The following TNNI3K variants were observed in gnomAD, a reference collection of about 807,000 sequenced individuals.
TNNI3K encodes the protein TNNI3 interacting kinase, also known as serine/threonine-protein kinase TNNI3K.
In TNNI3K, 140 loss-of-function variants were observed where a neutral mutation model predicts 114.5. That is an observed-to-expected ratio of 1.22 (90% CI 1.07 to 1.41). The LOEUF is 1.41. Ranked by LOEUF, TNNI3K falls within the 40% of genes most tolerant of loss-of-function variation. TNNI3K has a pLI of 0.00. For synonymous variants in TNNI3K, 347 were observed against 347.5 expected, an observed-to-expected ratio of 1.00 and a Z score of 0.02; for missense variants, 1,125 against 1,007.6, an observed-to-expected ratio of 1.12 and a Z score of -1.58.
chr1:74,294,770 C>T (rs1384951551), intron 5 of TNNI3K, among the ~76,000 whole-genome samples: 1 of 151,934 alleles, frequency 6.6e-6, no homozygotes, highest in Admixed American at 6.6e-5. Context: ...TGTTCCTTCT[C>T]AATATTTTTC....
intron 20 of TNNI3K, among the ~76,000 whole-genome samples, chr1:74,448,260 T>TAAAAAAAAAAA (rs71588834): frequency 7.9e-5 from 7 of 89,124 alleles, no homozygotes; most frequent in Non-Finnish European, 1.4e-4. Context: ...TAGAGTATAA[T>TAAAAAAAAAAA]AAAAAAAAAA....
At chr1:74,470,402 G>T (rs1031976067) in intron 21 of TNNI3K, 25 of 400,392 alleles carry the variant, frequency 6.2e-5, no homozygotes, top group African/African-American at 4.9e-4. Context: ...TTTATCTCTA[G>T]TGCTTCAGTG....
intron 21 of TNNI3K, among the ~76,000 whole-genome samples, chr1:74,465,733 G>A (rs922889071): frequency 2.6e-5 from 4 of 152,226 alleles, no homozygotes; most frequent in Non-Finnish European, 4.4e-5. Context: ...TGTGGGGTGG[G>A]GTCTTGGAGA....
chr1:74,261,782 G>T (rs558901461), intron 4 of TNNI3K, among the ~76,000 whole-genome samples: 9 of 152,098 alleles, frequency 5.9e-5, no homozygotes, highest in East Asian at 1.9e-4. Context: ...TTAACATTTC[G>T]TATGATAAAA....
rs548018750 is a variant in TNNI3K, at chr1:74,453,999, G to A, written c.2012-9442G>A. On this transcript the variant is annotated intron_variant, in intron 20 of 24. Transcript: ENST00000326637. ...ACACCGTAGGGGCTAAAGAGAATTG[G>A]CATGTGTCTTGCGACCTTGTGCAAT... Among the ~76,000 whole-genome samples, 4 of 152,184 alleles carry A rather than the reference G, an allele frequency of 2.6e-5. No homozygotes were observed. The South Asian group carries it at 8.3e-4, about 32-fold the overall frequency.
intron 20 of TNNI3K, among the ~76,000 whole-genome samples, chr1:74,441,425 A>T (rs533412792): frequency 3.3e-5 from 5 of 152,318 alleles, no homozygotes; most frequent in African/African-American, 1.2e-4. Flanking sequence ...TGCATACAGA[A>T]GTTCATGACC....
intron 23 of TNNI3K, among the ~76,000 whole-genome samples, chr1:74,497,182 T>C (rs575325500): frequency 1.3e-5 from 2 of 152,288 alleles, no homozygotes; most frequent in South Asian, 4.1e-4. Context: ...TTGTGTAAGA[T>C]GATAGCACCA....
At chr1:74,264,943 G>A (rs910395936) in intron 4 of TNNI3K, among the ~76,000 whole-genome samples, 1 of 151,918 alleles carries the variant, frequency 6.6e-6, no homozygotes, top group Non-Finnish European at 1.5e-5. Flanking sequence ...AGGTAAGTAA[G>A]GTAGGTATTA....
chr1:74,313,429 C>G (rs1659111486), intron 5 of TNNI3K, among the ~76,000 whole-genome samples: 1 of 152,192 alleles, frequency 6.6e-6, no homozygotes, highest in Non-Finnish European at 1.5e-5. Context: ...ACCCTAGACT[C>G]ATAATTTTCT....
intron 17 of TNNI3K, chr1:74,416,181 C>T: frequency 1.9e-6 from 1 of 527,444 alleles, no homozygotes; most frequent in Non-Finnish European, 2.4e-6. Flanking sequence ...CCTCTTCTTG[C>T]TTTGGCATGA....
At chr1:74,292,992 T>G (rs1170932564) in intron 5 of TNNI3K, among the ~76,000 whole-genome samples, 1 of 151,656 alleles carries the variant, frequency 6.6e-6, no homozygotes, top group Non-Finnish European at 1.5e-5. Context: ...AATTTTTCCC[T>G]TATCAATTTA....
chr1:74,251,742 C>CTA (rs569161198), intron 4 of TNNI3K, among the ~76,000 whole-genome samples: 281 of 152,324 alleles, frequency 1.8e-3, no homozygotes, highest in Non-Finnish European at 3.5e-3. Flanking sequence ...CCCCCAACTG[C>CTA]TAGAGAGTTT....
At chr1:74,357,272 A>G (rs1661713757) in intron 11 of TNNI3K, among the ~76,000 whole-genome samples, 1 of 152,122 alleles carries the variant, frequency 6.6e-6, no homozygotes, top group Non-Finnish European at 1.5e-5. Context: ...CTATCCCGGG[A>G]GAGATAAACA....
At chr1:74,489,049 C>T (rs908378336) in intron 21 of TNNI3K, 140 bp from the exon 22 acceptor site, 46 of 640,584 alleles carry the variant, frequency 7.2e-5, no homozygotes, top group Non-Finnish European at 9.3e-5. Flanking sequence ...ATTAACACTT[C>T]AATAAAAGTG....
chr1:74,345,246 T>A (rs948758921), intron 9 of TNNI3K, among the ~76,000 whole-genome samples: 5 of 152,174 alleles, frequency 3.3e-5, no homozygotes, highest in African/African-American at 1.2e-4. Context: ...GTAGTTTTTT[T>A]ATTCACTCAA....
intron 23 of TNNI3K, among the ~76,000 whole-genome samples, chr1:74,514,270 C>T (rs1044541251): frequency 7.9e-5 from 12 of 152,214 alleles, no homozygotes; most frequent in Admixed American, 4.6e-4. Flanking sequence ...TGTTTTAAAG[C>T]GTTTTCACAC....
intron 5 of TNNI3K, among the ~76,000 whole-genome samples, chr1:74,316,763 C>T (rs376472141): frequency 3.2e-4 from 49 of 151,950 alleles, no homozygotes; most frequent in Middle Eastern, 3.4e-3. Flanking sequence ...GATCTTGGCT[C>T]ACTGCAAGCT....
intron 23 of TNNI3K, among the ~76,000 whole-genome samples, chr1:74,508,086 G>A (rs573559860): frequency 3.9e-5 from 6 of 152,272 alleles, no homozygotes; most frequent in African/African-American, 7.2e-5. Context: ...TAACACAGAC[G>A]GAGGCATTAC....
chr1:74,480,552 T>C, intron 21 of TNNI3K: 1 of 717,320 alleles, frequency 1.4e-6, no homozygotes, highest in Non-Finnish European at 2.6e-6. Flanking sequence ...ATGTAGGAAA[T>C]AAAATTGTTG....
Sources: allele counts gnomAD v4.1 joint callset (sites outside exome capture counted in the v4.1 genomes callset), GRCh38; gene constraint gnomAD v4.1.1; transcripts MANE v1.5; gene names NCBI Gene and HGNC (gene_info 2026-07-23, HGNC 2026-07-21).